The following HEBP2 variants were observed in gnomAD, a reference collection of about 807,000 sequenced individuals.
The protein encoded by HEBP2 is heme-binding protein 2.
A neutral mutation model predicts 23.1 loss-of-function variants in HEBP2; 27 were observed. The observed-to-expected ratio is 1.17, with a 90% CI of 0.86 to 1.61. The LOEUF (loss-of-function observed/expected upper bound fraction) is 1.61. Among genes scored for constraint, HEBP2 ranks in the 40% most tolerant of loss-of-function variants. The pLI, the probability that HEBP2 is intolerant of heterozygous loss-of-function variation, is 0.00. For synonymous variants in HEBP2, 99 were observed against 95.1 expected, an observed-to-expected ratio of 1.04 and a Z score of -0.24; for missense variants, 245 against 253.8, an observed-to-expected ratio of 0.97 and a Z score of 0.24.
chr6:138,406,034 G>A lies in HEBP2; in HGVS notation c.302G>A (p.Ser101Asn). The stretch of plus-strand genomic sequence containing the variant: ...GTGGAGCCTGGTTCAGGTCCTTTTA[G>A]TGAGTCTACCATTACCATTTCCCTG... ...SYVEPGSGPF[S>N]ESTITISLYI... Residue 101 changes from serine (S) to asparagine (N), a missense_variant, in exon 3 of 4, where the codon AGT becomes AAT. Transcript: ENST00000607197. The A allele has an allele frequency of 6.2e-7, 1 of 1,614,164 alleles. No homozygotes were observed. Among genetic ancestry groups the A allele is most frequent in the Non-Finnish European group, 8.5e-7 (1 of 1,179,992 alleles).
rs1435575258 is a variant in HEBP2 at position 138,412,922 on chromosome 6, A to T, written c.462A>T (p.Gln154His). The change falls in exon 4 of 4, where the codon CAA becomes CAT. Residue 154 changes from glutamine (Q) to histidine (H), a missense_variant. Transcript: ENST00000607197. ...CTAGTGCCCAAAAGAATCAAGAACA[A>T]CTTTTGACATTAGCAAGCATTTTAA... ...GFSSAQKNQE[Q>H]LLTLASILRE... The T allele has an allele frequency of 1.2e-6, 2 of 1,614,162 alleles. No individual in the cohort carries two copies. Among genetic ancestry groups the T allele is most frequent in the South Asian group, 2.2e-5 (2 of 91,086 alleles).
chr6:138,412,914 C>G lies in HEBP2; in HGVS notation c.454C>G (p.Gln152Glu). The G allele has an allele frequency of 6.2e-7, 1 of 1,614,004 alleles. No individual in the cohort carries two copies. Among genetic ancestry groups the G allele is most frequent in the African/African-American group, 1.3e-5 (1 of 75,038 alleles). ...TGGATTTTCTAGTGCCCAAAAGAATCAAGAACAACTTTTGACATTAGCAAG... is the reference window on the plus strand; with the variant it reads ...TGGATTTTCTAGTGCCCAAAAGAATGAAGAACAACTTTTGACATTAGCAAG... Reference protein sequence around the residue: ...FDGFSSAQKNQEQLLTLASIL... With the variant: ...FDGFSSAQKNEEQLLTLASIL... Residue 152 changes from glutamine (Q) to glutamate (E), a missense_variant, in exon 4 of 4, where the codon CAA becomes GAA. Gln to Glu is a conservative substitution (Grantham distance 29). Transcript: ENST00000607197.
Position 138,420,817 on chromosome 6 carries a change from TAATA to T in HEBP2, c.*7743_*7746del, listed in dbSNP as rs2128183701. ...TTCCTTTCAAAGGTGCTTACTCCAA[TAATA>T]AATCCTTTGGTATTCTAACTGTCTA... is the stretch of plus-strand genomic sequence containing the variant. On this transcript the variant is annotated 3_prime_UTR_variant, in exon 4 of 4. Transcript: ENST00000607197. 1 of 152,348 alleles carries T rather than the reference TAATA, an allele frequency of 6.6e-6. No homozygotes were observed. The highest frequency in any genetic ancestry group is 2.1e-4 in the South Asian group (1 of 4,828). 9.4% of individuals were successfully genotyped at this position (152,348 alleles called of 1,614,324 possible). A position where few individuals can be genotyped will look rare whatever the true frequency, so the allele number is the denominator to read the frequency against.
chr6:138,415,371 C>G lies in HEBP2; in HGVS notation c.*2293C>G, dbSNP rs760327618. ...TGGTGGATAGGTGGCACAGACAGTCCCTGGCACAAGAAGGCTGTCCAGTGA... is the reference window on the plus strand; with the variant it reads ...TGGTGGATAGGTGGCACAGACAGTCGCTGGCACAAGAAGGCTGTCCAGTGA... On this transcript the variant is annotated 3_prime_UTR_variant, in exon 4 of 4. Transcript: ENST00000607197. 6.6e-6 allele frequency: 1 copy of G among 152,118 alleles called. No homozygotes were observed. Among genetic ancestry groups the G allele is most frequent in the Non-Finnish European group, 1.5e-5 (1 of 68,036 alleles). The allele number at this position is 152,118 out of a possible 1,614,324, so 9.4% of individuals were successfully genotyped here.
chr6:138,405,175 C>G lies in HEBP2; in HGVS notation c.133C>G (p.Pro45Ala). The change falls in exon 2 of 4, where the codon CCA becomes GCA. Residue 45 changes from proline (P) to alanine (A), a missense_variant. Transcript: ENST00000607197. ...PGSYEIRHYG[P>A]AKWVSTSVES... ...AAGTTATGAGATCCGACACTATGGA[C>G]CAGCCAAGTGGGTCAGCACGTCCGT... is the stretch of plus-strand genomic sequence containing the variant. The G allele has an allele frequency of 1.9e-6, 3 of 1,613,800 alleles. No homozygotes were observed. The highest frequency in any genetic ancestry group is 2.5e-6 in the Non-Finnish European group (3 of 1,179,898).
In HEBP2 at chr6:138,417,122, A is replaced by G. The variant is rs547944620; in HGVS notation, c.*4044A>G. On this transcript the variant is annotated 3_prime_UTR_variant, in exon 4 of 4. Transcript: ENST00000607197. The stretch of plus-strand genomic sequence containing the variant: ...TACAGTTCCTCCTCCTCCCATTAAA[A>G]TGGGAGCATACAGAGGTTAGAAAGT... 1 of 152,334 alleles carries G rather than the reference A, an allele frequency of 6.6e-6. No individual in the cohort carries two copies. The highest frequency in any genetic ancestry group is 6.5e-5 in the Admixed American group (1 of 15,308). The allele number at this position is 152,334 out of a possible 1,614,324, so 9.4% of individuals were successfully genotyped here. A position where few individuals can be genotyped will look rare whatever the true frequency, so the allele number is the denominator to read the frequency against.
chr6:138,412,437 G>C (rs1489086866), intron 3 of HEBP2, among the ~76,000 whole-genome samples: 1 of 152,130 alleles, frequency 6.6e-6, no homozygotes, highest in East Asian at 1.9e-4. Flanking sequence ...TTCATCTGCT[G>C]AGAGGGAGTA....
intron 3 of HEBP2, among the ~76,000 whole-genome samples, chr6:138,408,696 T>G (rs765819919): frequency 1.3e-5 from 2 of 151,810 alleles, no homozygotes; most frequent in Non-Finnish European, 1.5e-5. Context: ...TGTCACTCTC[T>G]TGTCATTTCT....
At position 138,420,457 on chromosome 6, in the gene HEBP2, C is replaced by A. The variant is rs1443347520; in HGVS notation, c.*7379C>A. The A allele has an allele frequency of 6.6e-6, 1 of 152,142 alleles. No homozygotes were observed. Among genetic ancestry groups the A allele is most frequent in the African/African-American group, 2.4e-5 (1 of 41,402 alleles). 9.4% of individuals were successfully genotyped at this position (152,142 alleles called of 1,614,324 possible). On this transcript the variant is annotated 3_prime_UTR_variant, in exon 4 of 4. Transcript: ENST00000607197. ...AGGCATAGAGCGGTGCCACTTAGAT[C>A]CCCCTTCAAGACAAGATATGCCATC...
At chr6:138,406,316 G>A (rs1774645262) in intron 3 of HEBP2, among the ~76,000 whole-genome samples, 165 bp downstream of exon 3, 2 of 152,136 alleles carry the variant, frequency 1.3e-5, no homozygotes, top group African/African-American at 4.8e-5. Context: ...ATGTTACTGA[G>A]GTCTGTCACA....
At chr6:138,412,516 T>G (rs765018985) in intron 3 of HEBP2, among the ~76,000 whole-genome samples, 1 of 152,082 alleles carries the variant, frequency 6.6e-6, no homozygotes, top group Non-Finnish European at 1.5e-5. Context: ...TGCAGTGGCG[T>G]GATCTTGGCT....
intron 1 of HEBP2, 71 bp from the exon 2 acceptor site, chr6:138,405,074 C>CA: frequency 6.5e-7 from 1 of 1,537,068 alleles, no homozygotes; most frequent in East Asian, 2.3e-5. Context: ...GAGATCATGG[C>CA]ACCGGTATTT....
At chr6:138,412,172 C>T (rs1353948201) in intron 3 of HEBP2, 3 of 387,390 alleles carry the variant, frequency 7.7e-6, no homozygotes, top group African/African-American at 2.1e-5. Flanking sequence ...TGATCAGCAG[C>T]ACCGGCATGG....
upstream of HEBP2, among the ~76,000 whole-genome samples, chr6:138,403,891 T>C (rs1170430856): frequency 2.0e-5 from 3 of 152,172 alleles, no homozygotes; most frequent in African/African-American, 7.2e-5. Context: ...CTGAAAGCTG[T>C]CTGGGACCTA....
At chr6:138,406,236 G>A in intron 3 of HEBP2, 85 bp downstream of exon 3, 1 of 1,238,042 alleles carries the variant, frequency 8.1e-7, no homozygotes, top group African/African-American at 1.5e-5. Context: ...AATTTCAAAA[G>A]GCTTTTTCAC....
intron 1 of HEBP2, 36 bp downstream of exon 1, chr6:138,404,633 G>A (rs1332933043): frequency 1.6e-6 from 2 of 1,228,814 alleles, no homozygotes; most frequent in Non-Finnish European, 2.1e-6. Context: ...GGCTGGGCCC[G>A]CCTTCCGGCT....
chr6:138,404,785 G>A (rs1462126385), intron 1 of HEBP2, among the ~76,000 whole-genome samples, 188 bp downstream of exon 1: 1 of 152,174 alleles, frequency 6.6e-6, no homozygotes, highest in African/African-American at 2.4e-5. Context: ...CCCAGTGCAG[G>A]TCCCATCTCA....
intron 3 of HEBP2, among the ~76,000 whole-genome samples, chr6:138,411,106 GT>G (rs1774738848): frequency 1.3e-5 from 2 of 152,136 alleles, no homozygotes; most frequent in African/African-American, 4.8e-5. Context: ...GAAAAGTTTT[GT>G]TTCTCAGTGT....
Position 138,415,377 on chromosome 6 carries a change from A to C in HEBP2, c.*2299A>C, listed in dbSNP as rs1774825331. On this transcript the variant is annotated 3_prime_UTR_variant, in exon 4 of 4. Transcript: ENST00000607197. Reference sequence around the variant, plus strand: ...ATAGGTGGCACAGACAGTCCCTGGCACAAGAAGGCTGTCCAGTGATGAAGA... The same window carrying C: ...ATAGGTGGCACAGACAGTCCCTGGCCCAAGAAGGCTGTCCAGTGATGAAGA... The C allele has an allele frequency of 6.6e-6, 1 of 152,206 alleles. No individual in the cohort carries two copies. The highest frequency in any genetic ancestry group is 1.9e-4 in the East Asian group (1 of 5,190). The allele number at this position is 152,206 out of a possible 1,614,324, so 9.4% of individuals were successfully genotyped here. A position where few individuals can be genotyped will look rare whatever the true frequency, so the allele number is the denominator to read the frequency against.
Sources: gnomAD v4.1 joint callset for allele counts (sites outside exome capture counted in the v4.1 genomes callset) on GRCh38, gnomAD v4.1.1 for gene constraint, MANE v1.5 for transcripts, NCBI Gene and HGNC (gene_info 2026-07-23, HGNC 2026-07-21) for gene names.